The following KIAA0319L variants were observed in gnomAD, a reference collection of about 807,000 sequenced individuals.
KIAA0319L encodes the protein KIAA0319 like, also known as dyslexia-associated protein KIAA0319-like protein.
A neutral mutation model predicts 120.1 loss-of-function variants in KIAA0319L; 55 were observed. The observed-to-expected ratio is 0.46, with a 90% CI of 0.37 to 0.57. KIAA0319L has a LOEUF of 0.57. Among genes scored for constraint, KIAA0319L ranks in the 20% least tolerant of loss-of-function variants. KIAA0319L has a pLI of 0.00. For synonymous variants in KIAA0319L, 398 were observed against 471.9 expected (o/e 0.84, Z 2.03); for missense variants, 1,049 against 1,255.3 (o/e 0.84, Z 2.48).
chr1:35,448,944 C>CT (rs1044392493), intron 15 of KIAA0319L, among the ~76,000 whole-genome samples: 2 of 152,204 alleles, frequency 1.3e-5, no homozygotes, highest in Non-Finnish European at 2.9e-5. Flanking sequence ...TCATGTTTTA[C>CT]TTTTGAATAT....
chr1:35,479,299 T>A, intron 3 of KIAA0319L, 87 bp from the exon 4 acceptor site: 10 of 1,140,434 alleles, frequency 8.8e-6, no homozygotes, highest in Non-Finnish European at 1.2e-5. Context: ...CTATTAAATG[T>A]TCTCTTGAAA....
At chr1:35,487,826 A>G (rs1213523986) in intron 3 of KIAA0319L, among the ~76,000 whole-genome samples, 1 of 152,060 alleles carries the variant, frequency 6.6e-6, no homozygotes, top group Non-Finnish European at 1.5e-5. Context: ...ACAGAACTCT[A>G]ATCTCTGCCT....
chr1:35,463,906 AAC>A (rs1335964985), intron 7 of KIAA0319L, among the ~76,000 whole-genome samples: 2 of 152,154 alleles, frequency 1.3e-5, no homozygotes, highest in African/African-American at 4.8e-5. Flanking sequence ...TGGTGTTAAA[AAC>A]AGGAGTTACT....
chr1:35,505,419 C>A (rs1645172306), intron 3 of KIAA0319L, among the ~76,000 whole-genome samples: 1 of 152,160 alleles, frequency 6.6e-6, no homozygotes, highest in Non-Finnish European at 1.5e-5. Flanking sequence ...AGAAGTCTTA[C>A]CTGCACATAC....
At chr1:35,519,429 G>T (rs1430094835) in intron 2 of KIAA0319L, among the ~76,000 whole-genome samples, 1 of 152,082 alleles carries the variant, frequency 6.6e-6, no homozygotes, top group African/African-American at 2.4e-5. Flanking sequence ...TCTCAAATGT[G>T]GATCCACATT....
At chr1:35,450,096 C>T in intron 14 of KIAA0319L, 91 bp from the exon 15 acceptor site, 1 of 1,471,116 alleles carries the variant, frequency 6.8e-7, no homozygotes, top group South Asian at 1.2e-5. Flanking sequence ...CTAGGCCCTT[C>T]AGGGCTGAAC....
intron 16 of KIAA0319L, among the ~76,000 whole-genome samples, chr1:35,447,820 A>C (rs2149084151): frequency 6.6e-6 from 1 of 151,834 alleles, no homozygotes; most frequent in East Asian, 1.9e-4. Context: ...TCTTTGGATT[A>C]CTCCTACCCC....
chr1:35,464,841 A>G (rs1643141234), intron 7 of KIAA0319L, among the ~76,000 whole-genome samples: 2 of 152,202 alleles, frequency 1.3e-5, no homozygotes, highest in African/African-American at 2.4e-5. Context: ...TGCTCAAGCC[A>G]TGGCTGAAAA....
At chr1:35,457,055 C>T (rs1642521805) in intron 9 of KIAA0319L, among the ~76,000 whole-genome samples, 1 of 152,108 alleles carries the variant, frequency 6.6e-6, no homozygotes, top group African/African-American at 2.4e-5. Context: ...CCTGCTGCTG[C>T]CTGCACGCAT....
At chr1:35,534,755 A>T (rs1272101352) in intron 2 of KIAA0319L, among the ~76,000 whole-genome samples, 1 of 146,552 alleles carries the variant, frequency 6.8e-6, no homozygotes, top group African/African-American at 2.5e-5. Flanking sequence ...GCTACTCAGG[A>T]GGCTGAGGCA....
chr1:35,493,374 G>A (rs1017829472), intron 3 of KIAA0319L, among the ~76,000 whole-genome samples: 1 of 151,750 alleles, frequency 6.6e-6, no homozygotes, highest in Non-Finnish European at 1.5e-5. Flanking sequence ...ATACGGATCT[G>A]ACAAAAGATG....
Position 35,451,691 on chromosome 1 carries a change from A to C in KIAA0319L, c.1999T>G (p.Leu667Val). 5 of 1,614,138 alleles carry C rather than the reference A, an allele frequency of 3.1e-6. No individual in the cohort carries two copies. The highest frequency in any genetic ancestry group is 4.2e-6 in the Non-Finnish European group (5 of 1,180,010). ...GLQVGTYVFT[L>V]TVKDERNLQS... The stretch of plus-strand genomic sequence containing the variant: ...AGGTTCCTCTCATCTTTGACAGTCA[A>C]GGTGAACACATAGGTCCCCACTTGC... The change falls in exon 13 of 21, where the codon TTG (leucine) becomes GTG (valine). Residue 667 changes from leucine (L) to valine (V), a missense_variant. Coordinates refer to ENST00000325722, the MANE Select transcript of KIAA0319L (RefSeq NM_024874.5).
chr1:35,470,752 T>C, intron 6 of KIAA0319L, 111 bp downstream of exon 6: 1 of 706,596 alleles, frequency 1.4e-6, no homozygotes. Context: ...AGGATTCATT[T>C]CTAAAAGACT....
rs956430524 is a variant in KIAA0319L at position 35,455,666 on chromosome 1, C to T, written c.1656+347G>A. ...CGTGATCTCGGCTCACTGCAACCTC[C>T]GCCTCCTAGGTTCAAGGGATTCTCC... On this transcript the variant is annotated intron_variant, in intron 10 of 20. Transcript: ENST00000325722. Among the ~76,000 whole-genome samples, 146 of 150,436 alleles carry T rather than the reference C, an allele frequency of 9.7e-4. 3 individuals carry two copies. Among genetic ancestry groups the T allele is most frequent in the Non-Finnish European group, 1.9e-4 (13 of 67,710 alleles).
At position 35,443,171 on chromosome 1, in the gene KIAA0319L, C is replaced by A. The variant is rs1050419862; in HGVS notation, c.2657-143G>T. On this transcript the variant is annotated intron_variant, in intron 17 of 20. Coordinates refer to ENST00000325722, the MANE Select transcript of KIAA0319L (RefSeq NM_024874.5). ...CTCGAGACCCACCTTGGGCATGGTG[C>A]CTGCCTTTCTCATCTCGACTGGACA... 3.3e-6 allele frequency: 3 copies of A among 914,910 alleles called. No homozygotes were observed. In the African/African-American group the frequency reaches 5.0e-5, roughly 15 times the overall value. 56.7% of individuals were successfully genotyped at this position (914,910 alleles called of 1,614,324 possible).
At chr1:35,492,099 A>G (rs1570802940) in intron 3 of KIAA0319L, among the ~76,000 whole-genome samples, 1 of 152,170 alleles carries the variant, frequency 6.6e-6, no homozygotes, top group Non-Finnish European at 1.5e-5. Context: ...TTCTACACAA[A>G]CCCTCCAGAA....
At chr1:35,501,597 C>A (rs555393925) in intron 3 of KIAA0319L, among the ~76,000 whole-genome samples, 3 of 152,298 alleles carry the variant, frequency 2.0e-5, no homozygotes, top group South Asian at 2.1e-4. Context: ...AGAGGACAGG[C>A]CAGGCGTGGT....
chr1:35,451,559 A>G, intron 13 of KIAA0319L, 69 bp downstream of exon 13: 1 of 1,479,662 alleles, frequency 6.8e-7, no homozygotes, highest in Non-Finnish European at 9.3e-7. Context: ...GCAGGCAAAC[A>G]TGACAGGATA....
At chr1:35,557,164 C>T (rs1648224917) in intron 1 of KIAA0319L, 43 bp downstream of exon 1, 1 of 167,954 alleles carries the variant, frequency 6.0e-6, no homozygotes, top group Non-Finnish European at 1.3e-5. Flanking sequence ...TCCCCTGAGC[C>T]CATGGTCCTC....
Sources: gnomAD v4.1 joint callset for allele counts (sites outside exome capture counted in the v4.1 genomes callset) on GRCh38, gnomAD v4.1.1 for gene constraint, MANE v1.5 for transcripts, NCBI Gene and HGNC (gene_info 2026-07-23, HGNC 2026-07-21) for gene names.